Variants in GRIP1 observed in about 807,000 individuals in gnomAD.
GRIP1 encodes the protein glutamate receptor interacting protein 1.
In GRIP1, 45 loss-of-function variants were observed where a neutral mutation model predicts 129.9. The observed-to-expected ratio is 0.35, with a 90% CI of 0.27 to 0.44. The LOEUF (loss-of-function observed/expected upper bound fraction) is 0.44, where lower values mean the gene tolerates loss of function less well. Among genes scored for constraint, GRIP1 ranks in the 20% least tolerant of loss-of-function variants. GRIP1 has a pLI of 1.00. For synonymous variants in GRIP1, 530 were observed against 520.8 expected, an observed-to-expected ratio of 1.02 and a Z score of -0.24; for missense variants, 1,196 against 1,396.8, an observed-to-expected ratio of 0.86 and a Z score of 2.29.
At chr12:66,562,280 C>T (rs2062561374) in intron 2 of GRIP1, among the ~76,000 whole-genome samples, 1 of 152,030 alleles carries the variant, frequency 6.6e-6, no homozygotes, top group African/African-American at 2.4e-5. Flanking sequence ...CCACATTCAC[C>T]CTCTGAACCA....
chr12:66,654,002 T>G (rs1337300991), intron 1 of GRIP1, among the ~76,000 whole-genome samples: 2 of 152,106 alleles, frequency 1.3e-5, no homozygotes, highest in Non-Finnish European at 2.9e-5. Context: ...CAGGAACCAG[T>G]GGCTGAGGCA....
intron 1 of GRIP1, among the ~76,000 whole-genome samples, chr12:66,909,807 C>A (rs906585545): frequency 2.6e-5 from 4 of 152,106 alleles, no homozygotes; most frequent in Admixed American, 1.3e-4. Flanking sequence ...TCTAATATGT[C>A]TAAAATATCA....
intron 1 of GRIP1, among the ~76,000 whole-genome samples, chr12:66,703,021 T>C (rs896695408): frequency 4.6e-5 from 7 of 152,170 alleles, no homozygotes; most frequent in Non-Finnish European, 5.9e-5. Flanking sequence ...AAGATGGACA[T>C]GTAAGTCACT....
chr12:66,562,735 C>A (rs1592554813), intron 2 of GRIP1, among the ~76,000 whole-genome samples: 1 of 152,096 alleles, frequency 6.6e-6, no homozygotes. Context: ...TGCACCATCA[C>A]CCCCGACCCC....
At chr12:66,698,065 TATGCTTTCTACA>T (rs2035225404) in intron 1 of GRIP1, among the ~76,000 whole-genome samples, 1 of 152,124 alleles carries the variant, frequency 6.6e-6, no homozygotes, top group South Asian at 2.1e-4. Context: ...TAGAAAGCAA[TATGCTTTCTACA>T]ATATTTACAA....
intron 1 of GRIP1, among the ~76,000 whole-genome samples, chr12:67,017,426 G>A (rs1242092305): frequency 6.6e-6 from 1 of 151,944 alleles, no homozygotes; most frequent in Admixed American, 6.6e-5. Context: ...AATGGGTGGA[G>A]AATTAGGAAG....
At chr12:66,839,576 G>A (rs2039677681) in intron 1 of GRIP1, among the ~76,000 whole-genome samples, 1 of 152,170 alleles carries the variant, frequency 6.6e-6, no homozygotes, top group African/African-American at 2.4e-5. Flanking sequence ...TCAGTCAACT[G>A]AGTTTCGGCA....
At chr12:66,791,868 C>T (rs2038546930) in intron 1 of GRIP1, among the ~76,000 whole-genome samples, 1 of 152,020 alleles carries the variant, frequency 6.6e-6, no homozygotes, top group Non-Finnish European at 1.5e-5. Flanking sequence ...GTCCATTGTA[C>T]CACTCCGTAT....
At chr12:66,612,010 G>T (rs938432164) in intron 1 of GRIP1, among the ~76,000 whole-genome samples, 4 of 152,116 alleles carry the variant, frequency 2.6e-5, no homozygotes, top group African/African-American at 9.7e-5. Flanking sequence ...TTTTGGTCAA[G>T]TTACATAAAT....
At chr12:66,605,524 GA>G (rs1252005642) in intron 1 of GRIP1, among the ~76,000 whole-genome samples, 2 of 152,194 alleles carry the variant, frequency 1.3e-5, no homozygotes, top group African/African-American at 2.4e-5. Context: ...GCCAGTGTGT[GA>G]ATGAGCACTG....
chr12:66,507,087 A>G (rs922216391), intron 7 of GRIP1, among the ~76,000 whole-genome samples: 1 of 152,208 alleles, frequency 6.6e-6, no homozygotes, highest in Non-Finnish European at 1.5e-5. Flanking sequence ...CGTGTTATAA[A>G]TACTTTAGCA....
At chr12:66,539,541 G>C (rs1342405941) in intron 3 of GRIP1, among the ~76,000 whole-genome samples, 2 of 87,872 alleles carry the variant, frequency 2.3e-5, no homozygotes, top group Non-Finnish European at 4.5e-5. Flanking sequence ...AAAATCAAGA[G>C]AAGCTTTTTT....
intron 1 of GRIP1, among the ~76,000 whole-genome samples, chr12:66,913,080 C>A (rs921446127): frequency 1.2e-4 from 19 of 152,140 alleles, no homozygotes; most frequent in Non-Finnish European, 1.5e-5. Context: ...ACAAGTCGGC[C>A]GCCACAGCAT....
At chr12:66,439,214 T>C (rs1285697582) in intron 13 of GRIP1, among the ~76,000 whole-genome samples, 2 of 152,214 alleles carry the variant, frequency 1.3e-5, no homozygotes. Flanking sequence ...TTTCACTGCA[T>C]GGCTGGTCCC....
intron 1 of GRIP1, among the ~76,000 whole-genome samples, chr12:66,619,481 A>G (rs933969473): frequency 1.8e-4 from 27 of 152,082 alleles, no homozygotes; most frequent in African/African-American, 6.3e-4. Context: ...TCTTAGTGGC[A>G]CCTTTGACAA....
intron 1 of GRIP1, among the ~76,000 whole-genome samples, chr12:66,609,040 T>C (rs1016795589): frequency 5.9e-5 from 9 of 151,660 alleles, no homozygotes; most frequent in Non-Finnish European, 4.4e-5. Context: ...GTGAACTCCT[T>C]TGAGTAGGGG....
intron 1 of GRIP1, among the ~76,000 whole-genome samples, chr12:67,034,602 G>T (rs774392): frequency 0.91 from 138,846 of 152,278 alleles, 64,109 homozygotes; most frequent in Non-Finnish European, 0.98. Flanking sequence ...CTTGCAGGAC[G>T]GGGCCTTGAG....
chr12:66,554,550 A>G (rs1405906432), intron 2 of GRIP1, among the ~76,000 whole-genome samples: 1 of 152,106 alleles, frequency 6.6e-6, no homozygotes, highest in African/African-American at 2.4e-5. Flanking sequence ...CAACTTAGGT[A>G]CCAGTTTGGC....
intron 6 of GRIP1, 73 bp downstream of exon 6, chr12:66,517,828 A>G: frequency 2.4e-6 from 2 of 816,834 alleles, no homozygotes; most frequent in South Asian, 1.4e-5. Flanking sequence ...TTTCTAATTT[A>G]TCAACTTCTA....
Sources: allele counts gnomAD v4.1 joint callset (sites outside exome capture counted in the v4.1 genomes callset), GRCh38; gene constraint gnomAD v4.1.1; transcripts MANE v1.5; gene names NCBI Gene and HGNC (gene_info 2026-07-23, HGNC 2026-07-21).